DENND1B: variants seen among roughly 807,000 people sequenced by gnomAD.
The protein encoded by DENND1B is DENN domain-containing protein 1B.
Under a neutral mutation model 90.1 loss-of-function variants are expected in DENND1B, and 59 were observed. The observed-to-expected ratio is 0.65, with a 90% CI of 0.53 to 0.81. DENND1B has a LOEUF of 0.81. DENND1B is among the 40% of genes least tolerant of loss of function. The pLI is 0.00. For missense variants in DENND1B, 862 were observed against 912.6 expected (o/e 0.94, Z 0.71); for synonymous variants, 337 against 324.6 (o/e 1.04, Z -0.41).
At chr1:197,753,960 A>G (rs1653920087) in intron 2 of DENND1B, among the ~76,000 whole-genome samples, 1 of 152,142 alleles carries the variant, frequency 6.6e-6, no homozygotes. Context: ...AGATCGTGCC[A>G]CTGCACTCCA....
intron 2 of DENND1B, among the ~76,000 whole-genome samples, chr1:197,736,957 C>T (rs1360750432): frequency 6.6e-6 from 1 of 152,214 alleles, no homozygotes; most frequent in African/African-American, 2.4e-5. Context: ...TTTCTCAATA[C>T]TAGCATTTAT....
intron 13 of DENND1B, among the ~76,000 whole-genome samples, chr1:197,596,456 G>A (rs975958144): frequency 3.3e-5 from 5 of 151,852 alleles, no homozygotes; most frequent in African/African-American, 7.3e-5. Flanking sequence ...ATATTAAGTT[G>A]TGTAACAATT....
intron 2 of DENND1B, among the ~76,000 whole-genome samples, chr1:197,725,685 T>C (rs1661562850): frequency 6.6e-6 from 1 of 150,742 alleles, no homozygotes; most frequent in Non-Finnish European, 1.5e-5. Context: ...AAAAGAGTGA[T>C]AAATGAAAAT....
intron 13 of DENND1B, among the ~76,000 whole-genome samples, chr1:197,596,759 A>G (rs1422140478): frequency 3.3e-5 from 5 of 151,906 alleles, no homozygotes; most frequent in Non-Finnish European, 7.4e-5. Flanking sequence ...TTGCTTGTAT[A>G]TGATTGTAAT....
At chr1:197,553,782 T>C (rs1178400497) in intron 15 of DENND1B, among the ~76,000 whole-genome samples, 1 of 152,150 alleles carries the variant, frequency 6.6e-6, no homozygotes, top group Non-Finnish European at 1.5e-5. Context: ...ACAGGAATTA[T>C]GATTATTAAG....
rs373077084 is a variant in DENND1B at position 197,518,463 on chromosome 1, C to T, written c.1516-5510G>A. Among the ~76,000 whole-genome samples the T allele has an allele frequency of 4.2e-3, 638 of 151,922 alleles. 6 individuals carry two copies. The highest frequency in any genetic ancestry group is 0.031 in the Middle Eastern group (9 of 292). ...TCCAACCTTATTGGGGTAAGGAAGG[C>T]CTTTTTCTAGAAAACCAGGAACCTT... On this transcript the variant is annotated intron_variant, in intron 20 of 22. Transcript: ENST00000620048.
intron 2 of DENND1B, among the ~76,000 whole-genome samples, chr1:197,730,583 T>C (rs1229532582): frequency 2.6e-5 from 4 of 152,106 alleles, no homozygotes; most frequent in South Asian, 4.1e-4. Flanking sequence ...GGAACTTAAA[T>C]TGGAAAAGAA....
chr1:197,718,466 T>G (rs947503178), intron 2 of DENND1B, among the ~76,000 whole-genome samples: 5 of 151,564 alleles, frequency 3.3e-5, no homozygotes, highest in African/African-American at 1.2e-4. Context: ...AATTTTTTGG[T>G]AATGTATGAT....
chr1:197,691,517 G>C (rs994027315), intron 3 of DENND1B, among the ~76,000 whole-genome samples: 23 of 152,034 alleles, frequency 1.5e-4, no homozygotes, highest in African/African-American at 4.1e-4. Flanking sequence ...CTGTTGGTGG[G>C]AATATCAAAT....
chr1:197,780,768 A>C, the DENND1B span, among the ~76,000 whole-genome samples: 90 of 152,322 alleles, frequency 5.9e-4, 1 homozygote, highest in African/African-American at 1.9e-3. Flanking sequence ...ATGGATAATT[A>C]CTTGGTTCTG....
chr1:197,530,618 TAG>T (rs911890802), intron 20 of DENND1B, among the ~76,000 whole-genome samples: 4 of 152,140 alleles, frequency 2.6e-5, no homozygotes, highest in African/African-American at 7.2e-5. Flanking sequence ...CTTTAGTGAT[TAG>T]AGATTATTAG....
At chr1:197,763,710 C>G (rs1655375045) in intron 2 of DENND1B, among the ~76,000 whole-genome samples, 1 of 152,154 alleles carries the variant, frequency 6.6e-6, no homozygotes, top group Non-Finnish European at 1.5e-5. Context: ...AACCAATTGT[C>G]TCTCCCTCTA....
At chr1:197,654,865 A>G (rs1292906319) in intron 6 of DENND1B, among the ~76,000 whole-genome samples, 26 of 152,178 alleles carry the variant, frequency 1.7e-4, no homozygotes, top group Non-Finnish European at 8.8e-5. Context: ...GTCTGCATCC[A>G]TGTTTAACAT....
intron 10 of DENND1B, among the ~76,000 whole-genome samples, chr1:197,625,475 G>A (rs905120090): frequency 1.3e-5 from 2 of 151,918 alleles, no homozygotes; most frequent in African/African-American, 4.8e-5. Context: ...GAGAGATTTC[G>A]CCACCACCAG....
intron 3 of DENND1B, among the ~76,000 whole-genome samples, chr1:197,696,035 C>T (rs1418332442): frequency 1.3e-5 from 2 of 151,176 alleles, no homozygotes; most frequent in Non-Finnish European, 3.0e-5. Context: ...CTCCTACCTG[C>T]ATCCTTTTTT....
intron 6 of DENND1B, among the ~76,000 whole-genome samples, chr1:197,654,218 C>A (rs557296111): frequency 1.3e-5 from 2 of 152,046 alleles, no homozygotes; most frequent in African/African-American, 4.8e-5. Flanking sequence ...CATTTAAATC[C>A]TATTTATATA....
chr1:197,744,957 T>A (rs1351352917), intron 2 of DENND1B, among the ~76,000 whole-genome samples: 1 of 152,210 alleles, frequency 6.6e-6, no homozygotes, highest in East Asian at 1.9e-4. Flanking sequence ...CTTCTTTCCT[T>A]ATCTCATGAA....
intron 2 of DENND1B, among the ~76,000 whole-genome samples, chr1:197,752,544 C>G (rs1653692171): frequency 6.6e-6 from 1 of 151,986 alleles, no homozygotes; most frequent in African/African-American, 2.4e-5. Context: ...GCAATTTTAT[C>G]AGAAATATAT....
intron 13 of DENND1B, among the ~76,000 whole-genome samples, chr1:197,600,878 C>T (rs1175526097): frequency 6.6e-6 from 1 of 151,706 alleles, no homozygotes; most frequent in Admixed American, 6.6e-5. Context: ...AATGAAACCT[C>T]AGGCTTGCAA....
Sources: gnomAD v4.1 joint callset for allele counts (sites outside exome capture counted in the v4.1 genomes callset) on GRCh38, gnomAD v4.1.1 for gene constraint, MANE v1.5 for transcripts, NCBI Gene and HGNC (gene_info 2026-07-23, HGNC 2026-07-21) for gene names.